STK38: variants seen among roughly 807,000 people sequenced by gnomAD.
STK38 encodes serine/threonine-protein kinase 38.
Under a neutral mutation model 59.0 loss-of-function variants are expected in STK38, and 26 were observed. That is an observed-to-expected ratio of 0.44 (90% confidence interval 0.32 to 0.61). The LOEUF (loss-of-function observed/expected upper bound fraction) is 0.61. Ranked by LOEUF, STK38 falls within the 20% of genes least tolerant of loss-of-function variation. STK38 has a pLI of 0.04. For synonymous variants in STK38, 175 were observed against 176.6 expected, an observed-to-expected ratio of 0.99 and a Z score of 0.07; for missense variants, 433 against 566.0, an observed-to-expected ratio of 0.76 and a Z score of 2.38.
Position 36,495,775 on chromosome 6 carries a change from G to A in STK38, c.*9C>T, listed in dbSNP as rs1582396766. The A allele has an allele frequency of 1.2e-6, 2 of 1,613,630 alleles. No homozygotes were observed. Among genetic ancestry groups the A allele is most frequent in the African/African-American group, 1.3e-5 (1 of 75,012 alleles). On this transcript the variant is annotated 3_prime_UTR_variant, in exon 14 of 14. Transcript: ENST00000229812. ...ACTCTGCTCCACATAGGATTCCGTGGCAAGAGTACTATTTTGCTGCTTTCA... is the reference window on the plus strand; with the variant it reads ...ACTCTGCTCCACATAGGATTCCGTGACAAGAGTACTATTTTGCTGCTTTCA...
chr6:36,499,775 A>T, intron 10 of STK38, 98 bp downstream of exon 10: 1 of 965,574 alleles, frequency 1.0e-6, no homozygotes, highest in Non-Finnish European at 1.7e-6. Context: ...CAAGTAGGGA[A>T]ATCACTTAGA....
chr6:36,496,007 G>T, intron 13 of STK38, 93 bp from the exon 14 acceptor site: 48 of 1,222,050 alleles, frequency 3.9e-5, no homozygotes, highest in Middle Eastern at 2.1e-4. Context: ...GAACACACCA[G>T]TTTCTATTTG....
intron 2 of STK38, among the ~76,000 whole-genome samples, chr6:36,527,715 G>C (rs1777565181): frequency 6.6e-6 from 1 of 152,070 alleles, no homozygotes; most frequent in African/African-American, 2.4e-5. Context: ...CACAATAAAT[G>C]AAAGCACATG....
At chr6:36,504,898 C>CAAAAAAAAA (rs562032331) in intron 9 of STK38, among the ~76,000 whole-genome samples, 11 of 64,054 alleles carry the variant, frequency 1.7e-4, no homozygotes, top group East Asian at 4.7e-4. Context: ...TCCTGGCCTC[C>CAAAAAAAAA]AAAAAAAAAA....
chr6:36,542,438 ACAC>A (rs1374570103), intron 1 of STK38, among the ~76,000 whole-genome samples: 2 of 152,334 alleles, frequency 1.3e-5, no homozygotes, highest in South Asian at 2.1e-4. Context: ...CAAGAAAAAA[ACAC>A]CACCAATGTG....
At chr6:36,523,313 A>C (rs1014354257) in intron 4 of STK38, among the ~76,000 whole-genome samples, 1 of 130,778 alleles carries the variant, frequency 7.6e-6, no homozygotes, top group Admixed American at 8.7e-5. Context: ...CCCAGGCTGG[A>C]GTGCAATGGT....
rs1776713379 is a variant in STK38 at position 36,496,742 on chromosome 6, CT to C, written c.1235del (p.Glu412GlyfsTer40). On this transcript the variant is annotated frameshift_variant, in exon 13 of 14. Coordinates refer to ENST00000229812, the MANE Select transcript of STK38 (RefSeq NM_007271.4). LOFTEE classifies it high-confidence loss of function. ...KSIDDTSNFDEFPESDILKPT... is the reference protein window; with the variant it reads ...KSIDDTSNFDXFPESDILKPT... Reference sequence around the variant, plus strand: ...GCTTAAGAATATCAGATTCTGGAAACTCATCGAAGTTTGAGGTATCATCAAT... The same window carrying C: ...GCTTAAGAATATCAGATTCTGGAAACCATCGAAGTTTGAGGTATCATCAAT... 1.2e-6 allele frequency: 2 copies of C among 1,613,386 alleles called. No homozygotes were observed. Among genetic ancestry groups the C allele is most frequent in the Non-Finnish European group, 1.7e-6 (2 of 1,179,830 alleles).
In STK38 at chr6:36,495,799, C is replaced by A; in HGVS notation, c.1383G>T (p.Met461Ile). The A allele has an allele frequency of 6.2e-7, 1 of 1,613,954 alleles. No homozygotes were observed. The highest frequency in any genetic ancestry group is 8.5e-7 in the Non-Finnish European group (1 of 1,179,908). ...LTARGAIPSY[M>I]KAAK The stretch of plus-strand genomic sequence containing the variant: ...GGCAAGAGTACTATTTTGCTGCTTT[C>A]ATGTAGGAAGGTATTGCCCCCCTTG... The change falls in exon 14 of 14, where the codon ATG (methionine) becomes ATT (isoleucine). Residue 461 changes from methionine (M) to isoleucine (I), a missense_variant. By Grantham distance (10) the Met-to-Ile change is conservative. This residue lies in a region of STK38 where 136 missense variants were observed against 156.7 expected (regional missense o/e 0.87). Transcript: ENST00000229812.
At chr6:36,520,796 A>G (rs948635757) in intron 5 of STK38, among the ~76,000 whole-genome samples, 17 of 152,202 alleles carry the variant, frequency 1.1e-4, no homozygotes, top group African/African-American at 3.6e-4. Context: ...TTGAGAGAAA[A>G]TAAAAATTCC....
chr6:36,498,042 G>A (rs551471783), intron 11 of STK38, among the ~76,000 whole-genome samples, 167 bp from the exon 12 acceptor site: 68 of 151,174 alleles, frequency 4.5e-4, no homozygotes, highest in African/African-American at 1.4e-3. Flanking sequence ...TGGGCTCAAG[G>A]GATCCTCCCA....
chr6:36,545,294 A>G (rs1472367164), intron 1 of STK38, among the ~76,000 whole-genome samples: 1 of 147,856 alleles, frequency 6.8e-6, no homozygotes, highest in Non-Finnish European at 1.5e-5. Context: ...GTCTGGAAAA[A>G]AAAAAAAAAA....
At chr6:36,536,519 T>TTTTTAA (rs1297859842) in intron 2 of STK38, among the ~76,000 whole-genome samples, 4 of 152,062 alleles carry the variant, frequency 2.6e-5, no homozygotes, top group African/African-American at 9.7e-5. Flanking sequence ...CAAAAAATTT[T>TTTTTAA]TTTTAATTTT....
At chr6:36,538,026 C>T (rs898076293) in intron 2 of STK38, among the ~76,000 whole-genome samples, 1 of 152,186 alleles carries the variant, frequency 6.6e-6, no homozygotes, top group Non-Finnish European at 1.5e-5. Flanking sequence ...CACAACCAGG[C>T]ACGGTGGCTC....
intron 10 of STK38, among the ~76,000 whole-genome samples, chr6:36,499,409 C>T (rs1320658641): frequency 6.6e-6 from 1 of 152,068 alleles, no homozygotes; most frequent in Non-Finnish European, 1.5e-5. Flanking sequence ...TAATCTAGTG[C>T]TCACTGGCAT....
rs535646049 is a variant in STK38, at chr6:36,495,140, G to C, written c.*644C>G. 6.5e-6 allele frequency: 1 copy of C among 152,734 alleles called. No homozygotes were observed. The highest frequency in any genetic ancestry group is 2.1e-4 in the South Asian group (1 of 4,820). 9.5% of individuals were successfully genotyped at this position (152,734 alleles called of 1,614,324 possible). A position where few individuals can be genotyped will look rare whatever the true frequency, so the allele number is the denominator to read the frequency against. ...AAGCAGCATGGGTATTTTAGATGGG[G>C]GACAGGAGGAGATAAATCAATGGAT... On this transcript the variant is annotated 3_prime_UTR_variant, in exon 14 of 14. Coordinates refer to ENST00000229812, the MANE Select transcript of STK38 (RefSeq NM_007271.4).
chr6:36,515,552 A>G (rs1777229830), intron 6 of STK38, 60 bp from the exon 7 acceptor site: 6 of 1,572,778 alleles, frequency 3.8e-6, no homozygotes, highest in Non-Finnish European at 4.3e-6. Context: ...ACACACACAC[A>G]CACAACATAC....
intron 13 of STK38, among the ~76,000 whole-genome samples, chr6:36,496,263 C>T (rs1488707168): frequency 5.9e-5 from 9 of 151,902 alleles, no homozygotes; most frequent in Non-Finnish European, 1.0e-4. Flanking sequence ...AGGATGGTCT[C>T]GATCTCTTGA....
chr6:36,527,258 GTATATATGTACACATGTATACATA>G (rs1227081694), intron 2 of STK38, among the ~76,000 whole-genome samples: 6 of 139,188 alleles, frequency 4.3e-5, no homozygotes, highest in East Asian at 2.1e-4. Flanking sequence ...GTATACATAT[GTATATATGTACACATGTATACATA>G]TATACATATA....
chr6:36,545,202 A>G (rs1181167232), intron 1 of STK38, among the ~76,000 whole-genome samples: 1 of 144,986 alleles, frequency 6.9e-6, no homozygotes, highest in Non-Finnish European at 1.5e-5. Context: ...CTGAGGCAGG[A>G]GAATCGCTTG....
Sources: allele counts gnomAD v4.1 joint callset (sites outside exome capture counted in the v4.1 genomes callset), GRCh38; gene constraint gnomAD v4.1.1; regional missense constraint gnomAD v4.1.1; transcripts MANE v1.5; gene names NCBI Gene and HGNC (gene_info 2026-07-23, HGNC 2026-07-21).